TAOK1: variants seen among roughly 807,000 people sequenced by gnomAD.
TAOK1 encodes serine/threonine-protein kinase TAO1.
TAOK1 carries 21 observed loss-of-function variants against 138.3 expected under a neutral mutation model. The observed-to-expected ratio is 0.15, with a 90% confidence interval of 0.11 to 0.22. The LOEUF is 0.22. Among genes scored for constraint, TAOK1 ranks in the 10% least tolerant of loss-of-function variants. TAOK1 has a pLI of 1.00. For missense variants in TAOK1, 651 were observed against 1,227.7 expected (o/e 0.53, Z 7.02); for synonymous variants, 361 against 398.4 (o/e 0.91, Z 1.12).
intron 1 of TAOK1, among the ~76,000 whole-genome samples, chr17:29,418,723 A>G (rs1350133730): frequency 2.0e-5 from 3 of 152,150 alleles, no homozygotes; most frequent in Non-Finnish European, 2.9e-5. Flanking sequence ...GATTCACTGT[A>G]CTACTTGGTG....
At chr17:29,394,524 AGTTGTTGGCATTGAAAT>A (rs920390767) in intron 1 of TAOK1, among the ~76,000 whole-genome samples, 45 of 152,260 alleles carry the variant, frequency 3.0e-4, no homozygotes, top group African/African-American at 1.1e-3. Flanking sequence ...TCTAGGGGTC[AGTTGTTGGCATTGAAAT>A]TAGAGTTGAG....
rs541243620 is a variant in TAOK1 at position 29,482,159 on chromosome 17, A to T, written c.564-38A>T. ...ATTCTCAAAGGATAGAATACTTTTT[A>T]AAAAAAATCTTTAATTTAAATTAAC... On this transcript the variant is annotated intron_variant, in intron 7 of 19. Transcript: ENST00000261716. 2.0e-3 allele frequency: 2,969 copies of T among 1,482,710 alleles called. 8 individuals are homozygous for T. Among genetic ancestry groups the T allele is most frequent in the Non-Finnish European group, 2.4e-3 (2,547 of 1,073,812 alleles). The allele number at this position is 1,482,710 out of a possible 1,614,324, so 91.8% of individuals were successfully genotyped here.
intron 1 of TAOK1, among the ~76,000 whole-genome samples, chr17:29,410,635 G>GTTTTTTTTTTTTTTTTTTTTTTTT (rs1207404073): frequency 7.3e-6 from 1 of 136,892 alleles, no homozygotes. Flanking sequence ...TTTTTTTTTG[G>GTTTTTTTTTTTTTTTTTTTTTTTT]TTTTTTTTTT....
chr17:29,506,022 A>G (rs1291288330), intron 13 of TAOK1, among the ~76,000 whole-genome samples: 1 of 152,236 alleles, frequency 6.6e-6, no homozygotes, highest in Non-Finnish European at 1.5e-5. Context: ...GTGATAACCT[A>G]AATTAGTATG....
chr17:29,532,940 G>A (rs1322970949), intron 18 of TAOK1, among the ~76,000 whole-genome samples: 4 of 131,724 alleles, frequency 3.0e-5, no homozygotes, highest in Non-Finnish European at 6.5e-5. Flanking sequence ...GTGGGGGGCT[G>A]ACCCCCCCAC....
intron 1 of TAOK1, among the ~76,000 whole-genome samples, chr17:29,420,910 T>C (rs1403211034): frequency 6.7e-6 from 1 of 149,612 alleles, no homozygotes; most frequent in Non-Finnish European, 1.5e-5. Context: ...TATCATTGCA[T>C]GTGATATTAG....
intron 1 of TAOK1, among the ~76,000 whole-genome samples, chr17:29,447,130 A>G (rs111542894): frequency 6.6e-6 from 1 of 150,474 alleles, no homozygotes; most frequent in African/African-American, 2.5e-5. Flanking sequence ...GTGCACTACA[A>G]CCTCACACTC....
intron 1 of TAOK1, among the ~76,000 whole-genome samples, chr17:29,403,001 A>G (rs1244452666): frequency 6.6e-6 from 1 of 151,814 alleles, no homozygotes; most frequent in African/African-American, 2.4e-5. Flanking sequence ...CTCAAAAAAA[A>G]AAAAACAAAA....
chr17:29,543,802 G>T lies in TAOK1; in HGVS notation c.*780G>T, dbSNP rs1428513064. 7 of 152,120 alleles carry T rather than the reference G, an allele frequency of 4.6e-5. No individual in the cohort carries two copies. The highest frequency in any genetic ancestry group is 1.3e-4 in the Admixed American group (2 of 15,270). The allele number at this position is 152,120 out of a possible 1,614,324, so 9.4% of individuals were successfully genotyped here. On this transcript the variant is annotated 3_prime_UTR_variant, in exon 20 of 20. Coordinates refer to ENST00000261716, the MANE Select transcript of TAOK1 (RefSeq NM_020791.4). ...TTCTTTGTATTATGATAAGATGGGG[G>T]TACTTAAGGAGATCACAAGTTGTGT... is the stretch of plus-strand genomic sequence containing the variant.
intron 1 of TAOK1, among the ~76,000 whole-genome samples, chr17:29,432,754 C>T (rs932413470): frequency 6.6e-6 from 1 of 151,866 alleles, no homozygotes; most frequent in Admixed American, 6.6e-5. Flanking sequence ...GGATTACAGG[C>T]GTGAGCCACC....
At chr17:29,469,184 A>C (rs1331701036) in intron 3 of TAOK1, among the ~76,000 whole-genome samples, 1 of 151,882 alleles carries the variant, frequency 6.6e-6, no homozygotes, top group Non-Finnish European at 1.5e-5. Flanking sequence ...GGAGTTCGAG[A>C]CCACCCTGGG....
At chr17:29,442,350 C>CCCAG (rs1395924698) in intron 1 of TAOK1, among the ~76,000 whole-genome samples, 1 of 151,576 alleles carries the variant, frequency 6.6e-6, no homozygotes, top group Non-Finnish European at 1.5e-5. Flanking sequence ...AGCCACTGCA[C>CCCAG]CCAGCCACTT....
chr17:29,476,456 C>G (rs1465923340), intron 4 of TAOK1, among the ~76,000 whole-genome samples: 1 of 152,118 alleles, frequency 6.6e-6, no homozygotes, highest in East Asian at 1.9e-4. Flanking sequence ...CTCTCTGCCT[C>G]TCAGGGTTCT....
intron 1 of TAOK1, among the ~76,000 whole-genome samples, chr17:29,394,914 G>A (rs1904548783): frequency 6.6e-6 from 1 of 151,146 alleles, no homozygotes; most frequent in Non-Finnish European, 1.5e-5. Flanking sequence ...GGGCAACATA[G>A]CATGACCCTG....
chr17:29,441,547 T>C (rs1363000705), intron 1 of TAOK1, among the ~76,000 whole-genome samples: 1 of 152,208 alleles, frequency 6.6e-6, no homozygotes, highest in African/African-American at 2.4e-5. Flanking sequence ...CTAGATTACC[T>C]AATTTATTGG....
intron 3 of TAOK1, among the ~76,000 whole-genome samples, chr17:29,472,635 A>T (rs1443499323): frequency 7.0e-6 from 1 of 143,714 alleles, no homozygotes; most frequent in Non-Finnish European, 1.5e-5. Context: ...GTGCAATGGC[A>T]CTATCTCGGC....
Position 29,450,126 on chromosome 17 carries a change from G to T in TAOK1, c.-94-1329G>T, listed in dbSNP as rs181774831. On this transcript the variant is annotated intron_variant, in intron 1 of 19. Coordinates refer to ENST00000261716, the MANE Select transcript of TAOK1 (RefSeq NM_020791.4). ...CTAACAAACAGGGTCTCTCTCTCTT[G>T]CCCAGGCTGGAATGCCATGGGGTGA... Among the ~76,000 whole-genome samples the T allele has an allele frequency of 1.5e-3, 220 of 149,866 alleles. 1 individual carries two copies. Among genetic ancestry groups the T allele is most frequent in the African/African-American group, 5.0e-3 (204 of 40,616 alleles).
intron 17 of TAOK1, among the ~76,000 whole-genome samples, chr17:29,526,431 G>T (rs1240924342): frequency 1.3e-5 from 2 of 152,008 alleles, no homozygotes; most frequent in Non-Finnish European, 2.9e-5. Flanking sequence ...TTTTTTGTTT[G>T]TTTTTGTTTG....
chr17:29,427,969 T>C (rs1054981729), intron 1 of TAOK1, among the ~76,000 whole-genome samples: 1 of 151,282 alleles, frequency 6.6e-6, no homozygotes, highest in Admixed American at 6.6e-5. Context: ...TATAAGACTA[T>C]TAAGTTGCTC....
Sources: gnomAD v4.1 joint callset for allele counts (sites outside exome capture counted in the v4.1 genomes callset) on GRCh38, gnomAD v4.1.1 for gene constraint, MANE v1.5 for transcripts, NCBI Gene and HGNC (gene_info 2026-07-23, HGNC 2026-07-21) for gene names.